The following PTPRD variants were observed in gnomAD, a reference collection of about 807,000 sequenced individuals.
PTPRD encodes the protein protein tyrosine phosphatase receptor type D.
A neutral mutation model predicts 214.5 loss-of-function variants in PTPRD; 34 were observed. The ratio of observed to expected loss-of-function variants is 0.16; its 90% CI spans 0.12 to 0.21. The LOEUF is 0.21. Among genes scored for constraint, PTPRD ranks in the 10% least tolerant of loss-of-function variants. The pLI is 1.00. For missense variants in PTPRD, 2,545 were observed against 2,398.7 expected, an observed-to-expected ratio of 1.06 and a Z score of -1.27; for synonymous variants, 1,128 against 845.7, an observed-to-expected ratio of 1.33 and a Z score of -5.79.
chr9:8,505,607 G>C (rs2097527263), intron 22 of PTPRD, among the ~76,000 whole-genome samples: 1 of 133,738 alleles, frequency 7.5e-6, no homozygotes, highest in Admixed American at 8.1e-5. Flanking sequence ...AGGCGACAGA[G>C]TGAGGAGACT....
At chr9:10,375,218 G>A (rs557213864) in intron 2 of PTPRD, among the ~76,000 whole-genome samples, 1 of 152,166 alleles carries the variant, frequency 6.6e-6, no homozygotes, top group South Asian at 2.1e-4. Context: ...GCTTGTACTT[G>A]CATTATCATG....
intron 39 of PTPRD, among the ~76,000 whole-genome samples, chr9:8,369,799 C>T (rs2080981408): frequency 6.6e-6 from 1 of 151,892 alleles, no homozygotes; most frequent in African/African-American, 2.4e-5. Flanking sequence ...ACTGAAATTA[C>T]AGCTTTTTCC....
Position 8,992,795 on chromosome 9 carries a change from C to T in PTPRD, c.-104+25902G>A, listed in dbSNP as rs186451948. ...TTCTGACTAGAGATAAATTATGCCA[C>T]GCCTTAAGTGAAACTTAAGTGCAAG... On this transcript the variant is annotated intron_variant, in intron 11 of 45. Transcript: ENST00000381196. Among the ~76,000 whole-genome samples, 11 of 152,222 alleles carry T rather than the reference C, an allele frequency of 7.2e-5. No individual in the cohort carries two copies. In the East Asian group the frequency reaches 7.8e-4, roughly 11 times the overall value.
intron 7 of PTPRD, among the ~76,000 whole-genome samples, chr9:9,717,760 T>C (rs892057810): frequency 2.6e-5 from 4 of 152,200 alleles, no homozygotes; most frequent in Non-Finnish European, 4.4e-5. Context: ...GGAATTAATC[T>C]TAGCAAGGTA....
intron 11 of PTPRD, among the ~76,000 whole-genome samples, chr9:8,927,276 G>A (rs1379491364): frequency 6.6e-6 from 1 of 151,858 alleles, no homozygotes; most frequent in Non-Finnish European, 1.5e-5. Flanking sequence ...AGAATGTGCA[G>A]GCTTGTAACA....
rs567459120 is a variant in PTPRD, at chr9:10,044,001, A to G, written c.-544-10211T>C. Among the ~76,000 whole-genome samples the G allele has an allele frequency of 2.0e-5, 3 of 151,924 alleles. No individual in the cohort carries two copies. In the South Asian group the frequency reaches 6.2e-4, roughly 32 times the overall value. The stretch of plus-strand genomic sequence containing the variant: ...GACAAAAGCTCAGAATTTGTAACAA[A>G]TATTTAGAGCCTTCAAGTTCCCTTT... On this transcript the variant is annotated intron_variant, in intron 3 of 45. Coordinates refer to ENST00000381196, the MANE Select transcript of PTPRD (RefSeq NM_002839.4).
chr9:10,409,424 AT>A (rs1259910510), intron 2 of PTPRD, among the ~76,000 whole-genome samples: 1 of 151,764 alleles, frequency 6.6e-6, no homozygotes, highest in Non-Finnish European at 1.5e-5. Context: ...TAATAGCATC[AT>A]TGTTATCACA....
intron 11 of PTPRD, among the ~76,000 whole-genome samples, chr9:8,992,223 A>T (rs898068718): frequency 3.3e-5 from 5 of 152,180 alleles, no homozygotes; most frequent in Non-Finnish European, 5.9e-5. Context: ...GTGTAAACAT[A>T]TCAAACTGTA....
intron 4 of PTPRD, among the ~76,000 whole-genome samples, chr9:10,007,905 A>G (rs1322009635): frequency 6.6e-6 from 1 of 152,032 alleles, no homozygotes; most frequent in Non-Finnish European, 1.5e-5. Flanking sequence ...GATCAATGCC[A>G]TGTTAAAGAA....
chr9:10,360,427 T>C (rs144816191), intron 2 of PTPRD, among the ~76,000 whole-genome samples: 4 of 152,354 alleles, frequency 2.6e-5, no homozygotes, highest in African/African-American at 7.2e-5. Flanking sequence ...TGTCATTGTC[T>C]AGAAAAAAGA....
intron 3 of PTPRD, among the ~76,000 whole-genome samples, chr9:10,161,869 A>G (rs572654803): frequency 6.6e-6 from 1 of 151,882 alleles, no homozygotes; most frequent in Admixed American, 6.6e-5. Context: ...ATCTAATTGC[A>G]AAATGGGCAA....
intron 7 of PTPRD, among the ~76,000 whole-genome samples, chr9:9,636,503 CACAG>C (rs1416427689): frequency 6.4e-4 from 98 of 151,948 alleles, no homozygotes; most frequent in African/African-American, 2.4e-3. Context: ...TATACACATA[CACAG>C]AGCCTCAACT....
intron 3 of PTPRD, among the ~76,000 whole-genome samples, chr9:10,234,426 A>G (rs575001320): frequency 3.9e-5 from 6 of 152,028 alleles, no homozygotes; most frequent in African/African-American, 1.2e-4. Context: ...TCCCTAAACT[A>G]TCGCATGACA....
At chr9:8,420,931 ATCAC>A (rs1310722307) in intron 35 of PTPRD, among the ~76,000 whole-genome samples, 2 of 151,748 alleles carry the variant, frequency 1.3e-5, no homozygotes, top group Admixed American at 1.3e-4. Flanking sequence ...TGTGTACAGG[ATCAC>A]TGTCAGGGAG....
chr9:10,089,458 T>C (rs971372761), intron 3 of PTPRD, among the ~76,000 whole-genome samples: 3 of 151,602 alleles, frequency 2.0e-5, no homozygotes, highest in Admixed American at 1.3e-4. Context: ...TAAGATTGAA[T>C]TATTGTAGTA....
intron 8 of PTPRD, among the ~76,000 whole-genome samples, chr9:9,549,670 A>C (rs954724096): frequency 8.5e-5 from 13 of 152,174 alleles, no homozygotes; most frequent in African/African-American, 3.1e-4. Context: ...ATTTTTGACA[A>C]GGAGATAAAA....
chr9:8,529,880 T>G (rs907404085), intron 14 of PTPRD, among the ~76,000 whole-genome samples: 1 of 152,184 alleles, frequency 6.6e-6, no homozygotes, highest in African/African-American at 2.4e-5. Flanking sequence ...CATGTTGATT[T>G]GCTGTACCCA....
At chr9:8,918,507 C>T (rs564351367) in intron 11 of PTPRD, among the ~76,000 whole-genome samples, 1 of 152,180 alleles carries the variant, frequency 6.6e-6, no homozygotes, top group Non-Finnish European at 1.5e-5. Flanking sequence ...GACCAAATAA[C>T]AGCCTCATCT....
At chr9:9,896,918 C>T (rs1363327708) in intron 5 of PTPRD, among the ~76,000 whole-genome samples, 10 of 152,032 alleles carry the variant, frequency 6.6e-5, no homozygotes, top group East Asian at 5.8e-4. Flanking sequence ...GATGAGTGAA[C>T]GTGAGCAGAT....
Sources: gnomAD v4.1 joint callset for allele counts (sites outside exome capture counted in the v4.1 genomes callset) on GRCh38, gnomAD v4.1.1 for gene constraint, MANE v1.5 for transcripts, NCBI Gene and HGNC (gene_info 2026-07-23, HGNC 2026-07-21) for gene names.